Variants in AKAP7 observed in about 807,000 individuals in gnomAD.
The protein encoded by AKAP7 is A kinase (PRKA) anchor protein 7.
In AKAP7, 39 loss-of-function variants were observed where a neutral mutation model predicts 39.5. The observed-to-expected ratio is 0.99, with a 90% confidence interval of 0.76 to 1.29. The LOEUF is 1.29. Among genes scored for constraint, AKAP7 ranks in the 50% most tolerant of loss-of-function variants. AKAP7 has a pLI of 0.00. For synonymous variants in AKAP7, 140 were observed against 139.1 expected (o/e 1.01, Z -0.05); for missense variants, 414 against 407.7 (o/e 1.02, Z -0.13).
Position 131,165,136 on chromosome 6 carries a change from T to C in AKAP7, c.347T>C (p.Leu116Pro), listed in dbSNP as rs367995839. The C allele has an allele frequency of 3.4e-5, 55 of 1,612,092 alleles. No individual in the cohort carries two copies. Among genetic ancestry groups the C allele is most frequent in the Non-Finnish European group, 4.6e-5 (54 of 1,178,548 alleles). ...GCAATAATACAACAAGATGAGCGAC[T>C]GGCCAAAGCAATGGTCAGTGATGGT... ...QNAIIQQDER[L>P]AKAMVSDGSF... The change falls in exon 4 of 8, where the codon CTG becomes CCG. Residue 116 changes from leucine (L) to proline (P), a missense_variant. By Grantham distance (98) the Leu-to-Pro change is moderately conservative. Coordinates refer to ENST00000431975, the MANE Select transcript of AKAP7 (RefSeq NM_016377.4).
At chr6:131,202,440 A>G (rs1246924603) in intron 6 of AKAP7, among the ~76,000 whole-genome samples, 3 of 150,902 alleles carry the variant, frequency 2.0e-5, no homozygotes, top group African/African-American at 4.9e-5. Flanking sequence ...ATAAAAAATG[A>G]TAAGTTCATG....
intron 2 of AKAP7, among the ~76,000 whole-genome samples, chr6:131,150,565 A>G (rs1285506874): frequency 1.3e-5 from 2 of 152,224 alleles, no homozygotes; most frequent in African/African-American, 2.4e-5. Context: ...GGTTAAGGCA[A>G]ATATCTGCCC....
intron 7 of AKAP7, among the ~76,000 whole-genome samples, chr6:131,245,439 GTTTTTTT>G (rs889567020): frequency 7.1e-6 from 1 of 141,698 alleles, no homozygotes; most frequent in South Asian, 2.3e-4. Context: ...TTTGTTTTTG[GTTTTTTT>G]TTTTGTATTT....
At chr6:131,225,253 GT>G (rs1216744930) in intron 7 of AKAP7, among the ~76,000 whole-genome samples, 1 of 151,848 alleles carries the variant, frequency 6.6e-6, no homozygotes. Context: ...TGCTTTTTAA[GT>G]TTTTTTTGGA....
chr6:131,145,404 G>T lies in AKAP7; in HGVS notation c.139G>T (p.Asp47Tyr), dbSNP rs1376136049. The part of the protein sequence containing the change: ...DMPFATVDIQ[D>Y]DCGITDEPQI... ...GCCATTTGCTACTGTAGATATTCAG[G>T]ATGACTGTGGAAGTAAGTACTTTAT... The change falls in exon 2 of 8, where the codon GAT (aspartate) becomes TAT (tyrosine). Residue 47 changes from aspartate to tyrosine, a missense_variant. Transcript: ENST00000431975. The T allele has an allele frequency of 2.6e-6, 4 of 1,528,444 alleles. No individual in the cohort carries two copies. The African/African-American group carries it at 5.5e-5, about 21-fold the overall frequency. The allele number at this position is 1,528,444 out of a possible 1,614,324, so 94.7% of individuals were successfully genotyped here. A position where few individuals can be genotyped will look rare whatever the true frequency, so the allele number is the denominator to read the frequency against.
chr6:131,250,959 T>C (rs1812399339), intron 7 of AKAP7, among the ~76,000 whole-genome samples: 1 of 152,242 alleles, frequency 6.6e-6, no homozygotes, highest in African/African-American at 2.4e-5. Context: ...TGATATACTG[T>C]ACAAGCCAGA....
intron 5 of AKAP7, among the ~76,000 whole-genome samples, chr6:131,196,764 T>C (rs1174853102): frequency 2.6e-5 from 4 of 152,300 alleles, no homozygotes; most frequent in South Asian, 4.1e-4. Flanking sequence ...TTAAAAAATA[T>C]GAATTTTTCA....
chr6:131,238,661 T>C lies in AKAP7; in HGVS notation c.850+18853T>C, dbSNP rs55970372. 7.6e-3 allele frequency among the ~76,000 whole-genome samples: 1,158 copies of C among 152,346 alleles called. 6 individuals carry two copies. The highest frequency in any genetic ancestry group is 0.017 in the South Asian group (82 of 4,832). ...AATTGATCCCTTTACCATTATGTCA[T>C]GACCTTCTTTGTCTCTTTTGATCTT... is the stretch of plus-strand genomic sequence containing the variant. On this transcript the variant is annotated intron_variant, in intron 7 of 7. Transcript: ENST00000431975.
chr6:131,205,384 G>A (rs578037585), intron 6 of AKAP7, among the ~76,000 whole-genome samples: 3 of 152,132 alleles, frequency 2.0e-5, no homozygotes, highest in South Asian at 2.1e-4. Flanking sequence ...CTGGGAGGTC[G>A]TACAGATCTA....
At chr6:131,248,801 AT>A in intron 7 of AKAP7, among the ~76,000 whole-genome samples, 1 of 152,274 alleles carries the variant, frequency 6.6e-6, no homozygotes, top group Middle Eastern at 3.4e-3. Context: ...TTTTAGGACT[AT>A]TTTACATTTA....
Position 131,256,947 on chromosome 6 carries a change from C to CAAACAGATGA in AKAP7, c.851-24581_851-24580insACAGATGAAA, listed in dbSNP as rs202155835. ...AAGATAAGCAGTGATGATGACAGCC[C>CAAACAGATGA]AACTCAAAAGAGTTTCAAAATTCTC... On this transcript the variant is annotated intron_variant, in intron 7 of 7. Coordinates refer to ENST00000431975, the MANE Select transcript of AKAP7 (RefSeq NM_016377.4). Among the ~76,000 whole-genome samples the CAAACAGATGA allele has an allele frequency of 0.014, 2,176 of 152,030 alleles. 145 individuals carry two copies. In the East Asian group the frequency reaches 0.18, roughly 12 times the overall value.
At chr6:131,207,679 C>CCACAT (rs1808260810) in intron 6 of AKAP7, among the ~76,000 whole-genome samples, 1 of 151,552 alleles carries the variant, frequency 6.6e-6, no homozygotes, top group African/African-American at 2.4e-5. Flanking sequence ...GAAATCCTGT[C>CCACAT]AATACCAAAT....
chr6:131,253,072 A>G, intron 7 of AKAP7: 1 of 1,613,644 alleles, frequency 6.2e-7, no homozygotes, highest in Non-Finnish European at 8.5e-7. Context: ...AGTCCTACAG[A>G]GATACAGCAA....
rs1267140106 is a variant in AKAP7 at position 131,135,479 on chromosome 6, G to A, written c.-285G>A. On this transcript the variant is annotated 5_prime_UTR_variant, in exon 1 of 8. Coordinates refer to ENST00000431975, the MANE Select transcript of AKAP7 (RefSeq NM_016377.4). ...GGGTCGGCCCCTTCTGGCTTGTTCC[G>A]GCGTCCGGCCTGGCATGCGGGTGCT... Among the ~76,000 whole-genome samples the A allele has an allele frequency of 6.7e-6, 1 of 149,546 alleles. No individual in the cohort carries two copies. The highest frequency in any genetic ancestry group is 1.5e-5 in the Non-Finnish European group (1 of 66,244).
chr6:131,206,039 T>G (rs570289868), intron 6 of AKAP7, among the ~76,000 whole-genome samples: 28 of 152,356 alleles, frequency 1.8e-4, no homozygotes, highest in Non-Finnish European at 3.7e-4. Flanking sequence ...GTTGCAAATC[T>G]TGGTTGGTTA....
Position 131,204,843 on chromosome 6 carries a change from G to A in AKAP7, c.702+5270G>A, listed in dbSNP as rs3777473. ...GTGTATAGTGAGACTGTCTGGAAAAGAGCTAAATGATATCTCCTGTTGAGA... is the reference window on the plus strand; with the variant it reads ...GTGTATAGTGAGACTGTCTGGAAAAAAGCTAAATGATATCTCCTGTTGAGA... On this transcript the variant is annotated intron_variant, in intron 6 of 7. Coordinates refer to ENST00000431975, the MANE Select transcript of AKAP7 (RefSeq NM_016377.4). Among the ~76,000 whole-genome samples, 2,158 of 152,270 alleles carry A rather than the reference G, an allele frequency of 0.014. 142 individuals carry two copies. In the East Asian group the frequency reaches 0.17, roughly 12 times the overall value.
intron 6 of AKAP7, among the ~76,000 whole-genome samples, chr6:131,203,858 T>C (rs1318505523): frequency 6.6e-6 from 1 of 152,246 alleles, no homozygotes; most frequent in Non-Finnish European, 1.5e-5. Context: ...ACAATGCTGT[T>C]ATGAACTTCC....
At chr6:131,126,853 T>C in the AKAP7 span, among the ~76,000 whole-genome samples, 1 of 152,152 alleles carries the variant, frequency 6.6e-6, no homozygotes, top group Admixed American at 6.5e-5. Flanking sequence ...GCTAAGTGGC[T>C]GCCTGCATAT....
At chr6:131,261,422 A>G (rs1348257416) in intron 7 of AKAP7, among the ~76,000 whole-genome samples, 1 of 152,072 alleles carries the variant, frequency 6.6e-6, no homozygotes, top group Non-Finnish European at 1.5e-5. Flanking sequence ...TGTCTATTGT[A>G]TTATTGTCTT....
Sources: gnomAD v4.1 joint callset for allele counts (sites outside exome capture counted in the v4.1 genomes callset) on GRCh38, gnomAD v4.1.1 for gene constraint, MANE v1.5 for transcripts, NCBI Gene and HGNC (gene_info 2026-07-23, HGNC 2026-07-21) for gene names.